Variants in HERC2 observed in about 807,000 individuals in gnomAD.
The protein encoded by HERC2 is E3 ubiquitin-protein ligase HERC2.
A neutral mutation model predicts 537.7 loss-of-function variants in HERC2; 102 were observed. The ratio of observed to expected loss-of-function variants is 0.19; its 90% CI spans 0.16 to 0.22. HERC2 has a LOEUF of 0.22. Ranked by LOEUF, HERC2 falls within the 10% of genes least tolerant of loss-of-function variation. The pLI, the probability that HERC2 is intolerant of heterozygous loss-of-function variation, is 1.00. For missense variants in HERC2, 4,236 were observed against 6,198.2 expected (o/e 0.68, Z 10.63); for synonymous variants, 2,224 against 2,466.2 (o/e 0.90, Z 2.91).
intron 83 of HERC2, 86 bp downstream of exon 83, chr15:28,130,077 C>T: frequency 1.3e-6 from 2 of 1,529,542 alleles, no homozygotes; most frequent in Non-Finnish European, 1.8e-6. Flanking sequence ...CTGGCCTGTG[C>T]CCCCTTTTAA....
intron 23 of HERC2, among the ~76,000 whole-genome samples, chr15:28,241,001 A>G (rs958732386): frequency 3.3e-5 from 5 of 152,250 alleles, no homozygotes; most frequent in African/African-American, 7.2e-5. Flanking sequence ...TGTCTTGAAT[A>G]GGACACCAAA....
intron 2 of HERC2, among the ~76,000 whole-genome samples, chr15:28,319,398 C>T (rs1435846998): frequency 6.6e-6 from 1 of 151,448 alleles, no homozygotes; most frequent in African/African-American, 2.4e-5. Flanking sequence ...CAGGCCAACA[C>T]AGTGAAACCC....
chr15:28,160,309 C>A (rs893181803), intron 69 of HERC2, among the ~76,000 whole-genome samples: 1 of 152,324 alleles, frequency 6.6e-6, no homozygotes, highest in East Asian at 1.9e-4. Flanking sequence ...GCCTTTTGTT[C>A]GGCTATGGCC....
intron 70 of HERC2, among the ~76,000 whole-genome samples, chr15:28,148,041 A>G (rs1175757942): frequency 1.3e-5 from 2 of 150,828 alleles, no homozygotes; most frequent in African/African-American, 2.5e-5. Context: ...TGTCTCCAAA[A>G]AAAAAAAAAA....
intron 68 of HERC2, among the ~76,000 whole-genome samples, chr15:28,166,585 C>A (rs1894158502): frequency 6.6e-6 from 1 of 152,104 alleles, no homozygotes; most frequent in Non-Finnish European, 1.5e-5. Context: ...TGATTCCAGG[C>A]AGGGGGAGGG....
intron 4 of HERC2, 144 bp downstream of exon 4, chr15:28,292,744 G>A (rs1486997937): frequency 3.7e-6 from 3 of 804,448 alleles, no homozygotes; most frequent in African/African-American, 1.8e-5. Context: ...AAGTTTTATG[G>A]TATGTATATT....
chr15:28,244,861 A>G (rs1357169191), intron 23 of HERC2, among the ~76,000 whole-genome samples: 1 of 152,214 alleles, frequency 6.6e-6, no homozygotes, highest in African/African-American at 2.4e-5. Flanking sequence ...CGAGAAGAAA[A>G]AAAGCCCATC....
intron 20 of HERC2, among the ~76,000 whole-genome samples, chr15:28,252,693 T>C (rs2075122284): frequency 6.6e-6 from 1 of 152,234 alleles, no homozygotes; most frequent in Non-Finnish European, 1.5e-5. Context: ...TGAAGTTTAG[T>C]TCTCTTTATT....
At chr15:28,287,163 C>T (rs1249673394) in intron 4 of HERC2, among the ~76,000 whole-genome samples, 1 of 152,012 alleles carries the variant, frequency 6.6e-6, no homozygotes. Context: ...AAAGAAAAAA[C>T]AAATTCTAAA....
chr15:28,319,897 T>C (rs1435138171), intron 2 of HERC2, among the ~76,000 whole-genome samples: 1 of 152,218 alleles, frequency 6.6e-6, no homozygotes, highest in Non-Finnish European at 1.5e-5. Flanking sequence ...AAAACAATTA[T>C]TAAAACTTTG....
chr15:28,146,269 T>A lies in HERC2; in HGVS notation c.10976A>T (p.Asp3659Val), dbSNP rs765392969. The change falls in exon 71 of 93, where the codon GAC (aspartate) becomes GTC (valine). Residue 3659 changes from aspartate to valine, a missense_variant. Transcript: ENST00000261609. ...CACGGAGACGATCCTGTTGACGCCG[T>A]CCATGACTGTGAGAGGGTCGTGGCG... ...ERRHDPLTVM[D>V]GVNRIVSVRS... 6.2e-7 allele frequency: 1 copy of A among 1,613,888 alleles called. No individual in the cohort carries two copies.
In HERC2 at chr15:28,124,128, A is replaced by G; in HGVS notation, c.13097T>C (p.Met4366Thr). 2.5e-6 allele frequency: 4 copies of G among 1,604,892 alleles called. No homozygotes were observed. The highest frequency in any genetic ancestry group is 3.4e-6 in the Non-Finnish European group (4 of 1,175,620). The change falls in exon 85 of 93, where the codon ATG becomes ACG. Residue 4366 changes from methionine to threonine, a missense_variant. Physicochemically the swap from Met to Thr is moderately conservative, Grantham distance 81. Transcript: ENST00000261609. ...GTCGAGCGAGCCTTCCAGGTCGAAC[A>G]TGGGGATGCAGGGGCAGAAGAGCTC... ...LSELFCPCIPMFDLEGSLDET... is the reference protein window; with the variant it reads ...LSELFCPCIPTFDLEGSLDET...
chr15:28,214,555 G>A (rs536817594), intron 40 of HERC2, 100 bp downstream of exon 40: 307 of 1,437,992 alleles, frequency 2.1e-4, no homozygotes, highest in Non-Finnish European at 1.6e-4. Flanking sequence ...GCACTGCGCC[G>A]CTCTTCACCA....
In HERC2 at chr15:28,146,300, C is replaced by T; in HGVS notation, c.10945G>A (p.Glu3649Lys). 1 of 1,614,116 alleles carries T rather than the reference C, an allele frequency of 6.2e-7. No homozygotes were observed. The highest frequency in any genetic ancestry group is 8.5e-7 in the Non-Finnish European group (1 of 1,180,022). ...RVEFDRQCST[E>K]RRHDPLTVMD... ...ACTGTGAGAGGGTCGTGGCGCCTCT[C>T]TGTGGAGCACTGCCGGTCAAATTCT... The change falls in exon 71 of 93, where the codon GAG becomes AAG. Residue 3649 changes from glutamate (E) to lysine (K), a missense_variant. Glu to Lys is a moderately conservative substitution (Grantham distance 56, BLOSUM62 1). Transcript: ENST00000261609.
At chr15:28,257,305 C>T (rs2075292377) in intron 16 of HERC2, 44 bp from the exon 17 acceptor site, 9 of 1,548,472 alleles carry the variant, frequency 5.8e-6, no homozygotes, top group Non-Finnish European at 7.1e-6. Context: ...CCAAATGCAG[C>T]TGCTGGTCTG....
chr15:28,269,970 T>C (rs1432636214), intron 10 of HERC2, among the ~76,000 whole-genome samples: 3 of 152,196 alleles, frequency 2.0e-5, no homozygotes, highest in African/African-American at 4.8e-5. Flanking sequence ...TTTGTTGTTG[T>C]TGTTTGTTGA....
In HERC2 at chr15:28,229,468, G is replaced by C; in HGVS notation, c.5112C>G (p.Ile1704Met). ...ATATGCTAACGTTTTACCCTATATC[G>C]ATTCCCTCAGGAATAAGTCTTTGCC... ...CGWQRLIPEG[I>M]DIGEPLTDCL... The change falls in exon 33 of 93, where the codon ATC becomes ATG. Residue 1704 changes from isoleucine to methionine, a missense_variant. By Grantham distance (10) the Ile-to-Met change is conservative. Around this residue, in one of 27 missense-constraint regions of HERC2, gnomAD observed 343 missense variants for 417.2 expected, o/e 0.82. Transcript: ENST00000261609. The C allele has an allele frequency of 6.2e-7, 1 of 1,613,694 alleles. No homozygotes were observed.
intron 86 of HERC2, 119 bp from the exon 87 acceptor site, chr15:28,117,273 G>T: frequency 9.9e-7 from 1 of 1,009,964 alleles, no homozygotes; most frequent in Non-Finnish European, 1.5e-6. Context: ...CCCCTCCCTG[G>T]TCACACACCT....
At chr15:28,216,903 C>T (rs1159467829) in intron 38 of HERC2, among the ~76,000 whole-genome samples, 6 of 151,932 alleles carry the variant, frequency 3.9e-5, no homozygotes, top group Admixed American at 2.0e-4. Flanking sequence ...TAGTAACGAC[C>T]GATTACTCAC....
Sources: allele counts gnomAD v4.1 joint callset (sites outside exome capture counted in the v4.1 genomes callset), GRCh38; gene constraint gnomAD v4.1.1; regional missense constraint gnomAD v4.1.1; transcripts MANE v1.5; gene names NCBI Gene and HGNC (gene_info 2026-07-23, HGNC 2026-07-21).